QRSL1: variants seen among roughly 807,000 people sequenced by gnomAD.
QRSL1 encodes glutamyl-tRNA(Gln) amidotransferase subunit A, mitochondrial.
A neutral mutation model predicts 61.6 loss-of-function variants in QRSL1; 54 were observed. The observed-to-expected ratio is 0.88, with a 90% CI of 0.70 to 1.10. The LOEUF (loss-of-function observed/expected upper bound fraction) is 1.10, where lower values mean the gene tolerates loss of function less well. Among genes scored for constraint, QRSL1 ranks in the 50% least tolerant of loss-of-function variants. The pLI, the probability that QRSL1 is intolerant of heterozygous loss-of-function variation, is 0.00. For synonymous variants in QRSL1, 228 were observed against 225.7 expected (o/e 1.01, Z -0.09); for missense variants, 505 against 622.6 (o/e 0.81, Z 2.01).
At chr6:106,663,340 G>T (rs1777387269) in intron 10 of QRSL1, among the ~76,000 whole-genome samples, 155 bp downstream of exon 10, 1 of 152,150 alleles carries the variant, frequency 6.6e-6, no homozygotes, top group African/African-American at 2.4e-5. Context: ...GTATTAGTCT[G>T]TTCTCACACT....
At chr6:106,654,089 C>T (rs185865311) in intron 7 of QRSL1, among the ~76,000 whole-genome samples, 39 of 152,218 alleles carry the variant, frequency 2.6e-4, no homozygotes, top group African/African-American at 7.5e-4. Context: ...CGGTGGCTCA[C>T]GCCTGTAATC....
In QRSL1 at chr6:106,654,917, A is replaced by C. The variant is rs766331351; in HGVS notation, c.1037A>C (p.Gln346Pro). ...ASNMARFDGL[Q>P]YGHRCDIDVS... ...AATATGGCAAGATTTGATGGGCTAC[A>C]ATATGGTAAGATGGCTGGGTTATTT... Residue 346 changes from glutamine to proline, a missense_variant, in exon 8 of 11, where the codon CAA becomes CCA. Gln to Pro is a moderately conservative substitution (Grantham distance 76, BLOSUM62 -1). Transcript: ENST00000369046. 1 of 1,585,614 alleles carries C rather than the reference A, an allele frequency of 6.3e-7. No individual in the cohort carries two copies. The highest frequency in any genetic ancestry group is 8.6e-7 in the Non-Finnish European group (1 of 1,166,856).
chr6:106,629,734 C>T (rs1465706583), intron 1 of QRSL1, 29 bp downstream of exon 1: 14 of 1,593,782 alleles, frequency 8.8e-6, no homozygotes, highest in African/African-American at 1.3e-5. Context: ...CTGAGGCCCC[C>T]GGGAGGGCGG....
intron 1 of QRSL1, among the ~76,000 whole-genome samples, chr6:106,631,482 A>T (rs892386731): frequency 6.6e-6 from 1 of 152,182 alleles, no homozygotes; most frequent in Non-Finnish European, 1.5e-5. Flanking sequence ...AATGAGAAGG[A>T]TTACTTAAAT....
chr6:106,643,169 T>A (rs1777049267), intron 4 of QRSL1, 79 bp downstream of exon 4: 3 of 966,210 alleles, frequency 3.1e-6, no homozygotes, highest in Non-Finnish European at 4.7e-6. Flanking sequence ...CCTAAAAGGA[T>A]TGAGGATCTA....
In QRSL1 at chr6:106,629,586, T is replaced by C; in HGVS notation, c.-96T>C. ...TCGGTGTTGAAGGGCTCAGTGACAA[T>C]TAAAGATGGCTGCGCCCATGTAACA... is the stretch of plus-strand genomic sequence containing the variant. On this transcript the variant is annotated 5_prime_UTR_variant, in exon 1 of 11. Coordinates refer to ENST00000369046, the MANE Select transcript of QRSL1 (RefSeq NM_018292.5). 6.8e-7 allele frequency: 1 copy of C among 1,478,830 alleles called. No individual in the cohort carries two copies. Among genetic ancestry groups the C allele is most frequent in the Non-Finnish European group, 9.2e-7 (1 of 1,089,570 alleles). The allele number at this position is 1,478,830 out of a possible 1,614,324, so 91.6% of individuals were successfully genotyped here. A position where few individuals can be genotyped will look rare whatever the true frequency, so the allele number is the denominator to read the frequency against.
At chr6:106,634,423 C>T (rs994410305) in intron 1 of QRSL1, among the ~76,000 whole-genome samples, 2 of 152,122 alleles carry the variant, frequency 1.3e-5, no homozygotes, top group African/African-American at 4.8e-5. Context: ...TTTAAAAGCT[C>T]CTTCAGATGA....
At chr6:106,657,391 C>G (rs960197616) in intron 9 of QRSL1, among the ~76,000 whole-genome samples, 1 of 152,036 alleles carries the variant, frequency 6.6e-6, no homozygotes, top group Non-Finnish European at 1.5e-5. Flanking sequence ...TAAGTGAAAA[C>G]ATTTATTAAG....
Position 106,640,420 on chromosome 6 carries a change from G to C in QRSL1, c.96G>C (p.Lys32Asn), listed in dbSNP as rs1351396130. The change falls in exon 2 of 11, where the codon AAG becomes AAC. Residue 32 changes from lysine (K) to asparagine (N), a missense_variant. Physicochemically the swap from Lys to Asn is moderately conservative, Grantham distance 94. Coordinates refer to ENST00000369046, the MANE Select transcript of QRSL1 (RefSeq NM_018292.5). ...ELCQKCLSLI[K>N]KTKFLNAYIT... ...GTCAAAAATGTCTCTCTCTTATCAA[G>C]AAGACCAAGTTTCTAAATGCCTACA... 5.6e-6 allele frequency: 9 copies of C among 1,612,192 alleles called. No individual in the cohort carries two copies. Among genetic ancestry groups the C allele is most frequent in the Non-Finnish European group, 7.6e-6 (9 of 1,178,960 alleles).
At chr6:106,643,773 G>A (rs1777062837) in intron 4 of QRSL1, among the ~76,000 whole-genome samples, 1 of 151,824 alleles carries the variant, frequency 6.6e-6, no homozygotes, top group South Asian at 2.1e-4. Flanking sequence ...CAAGTCTCTG[G>A]TTTATCTTTT....
chr6:106,650,934 T>C (rs1385472151), intron 5 of QRSL1, among the ~76,000 whole-genome samples: 1 of 152,184 alleles, frequency 6.6e-6, no homozygotes, highest in Non-Finnish European at 1.5e-5. Context: ...CCTGAAATGG[T>C]TTTTTAATTG....
At chr6:106,655,247 GTTCTT>G (rs1273573736) in intron 8 of QRSL1, among the ~76,000 whole-genome samples, 2 of 152,190 alleles carry the variant, frequency 1.3e-5, no homozygotes, top group East Asian at 1.9e-4. Flanking sequence ...TTCTTTCTTG[GTTCTT>G]TTCTTTTCTT....
chr6:106,646,838 C>G (rs1316904417), intron 4 of QRSL1, among the ~76,000 whole-genome samples: 1 of 151,718 alleles, frequency 6.6e-6, no homozygotes, highest in Non-Finnish European at 1.5e-5. Flanking sequence ...ACCATCCTGG[C>G]TAACACAGTG....
chr6:106,655,639 C>G lies in QRSL1; in HGVS notation c.1067C>G (p.Ser356Cys), dbSNP rs1777257794. ...GGTCACAGATGTGACATTGATGTGTCCACTGAAGCCATGTATGCTGCAACC... is the reference window on the plus strand; with the variant it reads ...GGTCACAGATGTGACATTGATGTGTGCACTGAAGCCATGTATGCTGCAACC... Reference protein sequence around the residue: ...QYGHRCDIDVSTEAMYAATRR... With the variant: ...QYGHRCDIDVCTEAMYAATRR... Residue 356 changes from serine (S) to cysteine (C), a missense_variant, in exon 9 of 11, where the codon TCC (serine) becomes TGC (cysteine). Transcript: ENST00000369046. The G allele has an allele frequency of 2.5e-6, 4 of 1,611,200 alleles. No homozygotes were observed. The South Asian group carries it at 4.4e-5, about 18-fold the overall frequency.
At chr6:106,660,334 C>CA (rs1455344863) in intron 9 of QRSL1, among the ~76,000 whole-genome samples, 1 of 150,820 alleles carries the variant, frequency 6.6e-6, no homozygotes, top group Non-Finnish European at 1.5e-5. Context: ...CTCCCCACCC[C>CA]CCCCGTGAAG....
At chr6:106,639,111 G>GTTTTTTTTTTTTTTTTTTTTTTTTT (rs1562164982) in intron 1 of QRSL1, among the ~76,000 whole-genome samples, 1 of 60,754 alleles carries the variant, frequency 1.6e-5, no homozygotes, top group African/African-American at 6.7e-5. Context: ...TTATTTGTGT[G>GTTTTTTTTTTTTTTTTTTTTTTTTT]TTTTGTTGTT....
In QRSL1 at chr6:106,654,743, C is replaced by T. The variant is rs139097179; in HGVS notation, c.863C>T (p.Pro288Leu). 1.7e-4 allele frequency: 267 copies of T among 1,609,336 alleles called. 1 individual carries two copies. In the African/African-American group the frequency reaches 3.0e-3, roughly 18 times the overall value. ...CIGIPKEYLVPELSSEVQSLW... is the reference protein window; with the variant it reads ...CIGIPKEYLVLELSSEVQSLW... ...TTTTGCTATAAGGAATATCTTGTAC[C>T]GGAATTATCAAGTGAAGTACAGTCT... Residue 288 changes from proline to leucine, a missense_variant, in exon 8 of 11, where the codon CCG becomes CTG. Coordinates refer to ENST00000369046, the MANE Select transcript of QRSL1 (RefSeq NM_018292.5).
chr6:106,648,822 C>G (rs1410462698), intron 4 of QRSL1, among the ~76,000 whole-genome samples: 1 of 152,118 alleles, frequency 6.6e-6, no homozygotes, highest in Non-Finnish European at 1.5e-5. Flanking sequence ...TATTTTCTAC[C>G]ACAAATGCTC....
chr6:106,666,367 TAG>T lies in QRSL1; in HGVS notation c.*370_*371del, dbSNP rs2114721699. The T allele has an allele frequency of 4.6e-6, 1 of 218,568 alleles. No individual in the cohort carries two copies. The highest frequency in any genetic ancestry group is 5.2e-5 in the Admixed American group (1 of 19,106). The allele number at this position is 218,568 out of a possible 1,614,324, so 13.5% of individuals were successfully genotyped here. On this transcript the variant is annotated 3_prime_UTR_variant, in exon 11 of 11. Coordinates refer to ENST00000369046, the MANE Select transcript of QRSL1 (RefSeq NM_018292.5). The stretch of plus-strand genomic sequence containing the variant: ...AATGACGTACAGAGATTCTATATTC[TAG>T]AGAGTCAAATGGTCTTGCTCAATTC...
Sources: gnomAD v4.1 joint callset for allele counts (sites outside exome capture counted in the v4.1 genomes callset) on GRCh38, gnomAD v4.1.1 for gene constraint, MANE v1.5 for transcripts, NCBI Gene and HGNC (gene_info 2026-07-23, HGNC 2026-07-21) for gene names.